Variants in ZDHHC3 observed in about 807,000 individuals in gnomAD.
The protein encoded by ZDHHC3 is palmitoyltransferase ZDHHC3.
A neutral mutation model predicts 30.6 loss-of-function variants in ZDHHC3; 9 were observed. That is an observed-to-expected ratio of 0.29 (90% CI 0.18 to 0.51). The LOEUF (loss-of-function observed/expected upper bound fraction) is 0.51. Ranked by LOEUF, ZDHHC3 falls within the 20% of genes least tolerant of loss-of-function variation. ZDHHC3 has a pLI of 0.97. For synonymous variants in ZDHHC3, 136 were observed against 140.2 expected (o/e 0.97, Z 0.21); for missense variants, 246 against 384.2 (o/e 0.64, Z 3.01).
intron 5 of ZDHHC3, among the ~76,000 whole-genome samples, chr3:44,930,118 T>G (rs1701366885): frequency 1.3e-5 from 2 of 152,222 alleles, no homozygotes. Context: ...ACTTTCACTG[T>G]CCTGGCCTCC....
intron 1 of ZDHHC3, among the ~76,000 whole-genome samples, chr3:44,962,210 A>G (rs1235091116): frequency 6.6e-6 from 1 of 152,206 alleles, no homozygotes; most frequent in African/African-American, 2.4e-5. Flanking sequence ...CTGAAAATAA[A>G]TTTTAGAGCA....
intron 3 of ZDHHC3, among the ~76,000 whole-genome samples, chr3:44,938,758 A>G (rs2125845386): frequency 6.6e-6 from 1 of 152,318 alleles, no homozygotes; most frequent in East Asian, 1.9e-4. Context: ...GCATAGGAGC[A>G]GCTCTGCTGG....
intron 1 of ZDHHC3, among the ~76,000 whole-genome samples, chr3:44,974,791 T>C (rs1464441191): frequency 6.6e-6 from 1 of 152,192 alleles, no homozygotes; most frequent in African/African-American, 2.4e-5. Context: ...GTTTAATGCT[T>C]AAGAATGTGA....
Position 44,917,083 on chromosome 3 carries a change from C to T in ZDHHC3, c.*9606G>A, listed in dbSNP as rs1401316843. 6.6e-6 allele frequency: 1 copy of T among 152,252 alleles called. No homozygotes were observed. The highest frequency in any genetic ancestry group is 2.4e-5 in the African/African-American group (1 of 41,456). 9.4% of individuals were successfully genotyped at this position (152,252 alleles called of 1,614,324 possible). Reference sequence around the variant, plus strand: ...CCCCAGTAGCTCCAAAGAGGTCCTTCCCATATCCACATCTGTGAATGGCTA... The same window carrying T: ...CCCCAGTAGCTCCAAAGAGGTCCTTTCCATATCCACATCTGTGAATGGCTA... On this transcript the variant is annotated 3_prime_UTR_variant, in exon 7 of 7. Coordinates refer to ENST00000424952, the MANE Select transcript of ZDHHC3 (RefSeq NM_001135179.2).
In ZDHHC3 at chr3:44,959,055, A is replaced by C; in HGVS notation, c.306+76T>G. The C allele has an allele frequency of 1.3e-6, 2 of 1,546,416 alleles. No homozygotes were observed. The highest frequency in any genetic ancestry group is 1.8e-6 in the Non-Finnish European group (2 of 1,132,106). ...CTCCAAGTTCCCAAGGTCCAGGGGG[A>C]ACATGCAGGCTGTGGCCATGCCAGA... On this transcript the variant is annotated intron_variant, in intron 2 of 6. Transcript: ENST00000424952. The surrounding 1 kb of genome is among the most constrained non-coding windows in gnomAD (Gnocchi z 4.3).
At chr3:44,940,655 G>A (rs116537659) in intron 3 of ZDHHC3, among the ~76,000 whole-genome samples, 2,553 of 152,230 alleles carry the variant, frequency 0.017, 34 homozygotes, top group Middle Eastern at 0.037. Context: ...TTTCTTTGTC[G>A]TCACTGTAGA....
chr3:44,926,374 C>T lies in ZDHHC3; in HGVS notation c.*315G>A, dbSNP rs1700990027. 9.5e-7 allele frequency: 1 copy of T among 1,057,020 alleles called. No homozygotes were observed. Among genetic ancestry groups the T allele is most frequent in the Non-Finnish European group, 1.1e-6 (1 of 877,132 alleles). 65.5% of individuals were successfully genotyped at this position (1,057,020 alleles called of 1,614,324 possible). ...TGTCTCACTCAGTTAGTAGAATGGG[C>T]ACAGCGCGAGACAGCGCCCTCTACA... On this transcript the variant is annotated 3_prime_UTR_variant, in exon 7 of 7. Transcript: ENST00000424952.
intron 1 of ZDHHC3, among the ~76,000 whole-genome samples, chr3:44,972,572 C>A (rs1036651988): frequency 1.3e-5 from 2 of 152,180 alleles, no homozygotes; most frequent in African/African-American, 2.4e-5. Context: ...GACAGAGTTA[C>A]TCCATCTCTG....
chr3:44,953,178 C>T (rs570730678), intron 2 of ZDHHC3, among the ~76,000 whole-genome samples: 1 of 152,292 alleles, frequency 6.6e-6, no homozygotes, highest in South Asian at 2.1e-4. Context: ...CAAGCATCTT[C>T]CCAAGGTAAC....
Position 44,922,566 on chromosome 3 carries a change from A to G in ZDHHC3, c.*4123T>C. The G allele has an allele frequency of 1.0e-5, 10 of 985,434 alleles. No individual in the cohort carries two copies. The South Asian group carries it at 4.2e-4, about 42-fold the overall frequency. The allele number at this position is 985,434 out of a possible 1,614,324, so 61.0% of individuals were successfully genotyped here. A position where few individuals can be genotyped will look rare whatever the true frequency, so the allele number is the denominator to read the frequency against. On this transcript the variant is annotated 3_prime_UTR_variant, in exon 7 of 7. Transcript: ENST00000424952. The stretch of plus-strand genomic sequence containing the variant: ...GGGAACACGTGCCTGTCTCACAATC[A>G]GCACACCCCAACTGCACTATGCTGA...
At chr3:44,974,160 A>G (rs1205762971) in intron 1 of ZDHHC3, among the ~76,000 whole-genome samples, 1 of 152,252 alleles carries the variant, frequency 6.6e-6, no homozygotes, top group Non-Finnish European at 1.5e-5. Flanking sequence ...TACTGTTTAC[A>G]TCTCTCTTAC....
At chr3:44,933,538 G>A (rs1701682688) in intron 4 of ZDHHC3, 1 of 535,770 alleles carries the variant, frequency 1.9e-6, no homozygotes. Flanking sequence ...TGACTGCTGA[G>A]GGCCCTTCTA....
chr3:44,952,078 C>T (rs546219830), intron 2 of ZDHHC3, among the ~76,000 whole-genome samples: 3 of 152,290 alleles, frequency 2.0e-5, no homozygotes, highest in Non-Finnish European at 4.4e-5. Context: ...ATCTGCAGAT[C>T]TCTCTATTTG....
chr3:44,929,407 C>G lies in ZDHHC3; in HGVS notation c.640G>C (p.Val214Leu), dbSNP rs1701290934. 6.2e-7 allele frequency: 1 copy of G among 1,613,980 alleles called. No individual in the cohort carries two copies. The change falls in exon 6 of 7, where the codon GTG becomes CTG. Residue 214 changes from valine (V) to leucine (L), a missense_variant. Val to Leu is a conservative substitution (Grantham distance 32, BLOSUM62 1). Transcript: ENST00000424952. Reference sequence around the variant, plus strand: ...AAGCACAGCAGGATAAGGAGAATCACTGTGGTGGGTGGAGAGAAGGAGCTG... The same window carrying G: ...AAGCACAGCAGGATAAGGAGAATCAGTGTGGTGGGTGGAGAGAAGGAGCTG... The part of the protein sequence containing the change: ...KCSSFSPPTT[V>L]ILLILLCFEG...
At chr3:44,945,689 C>T (rs1212640647) in intron 2 of ZDHHC3, among the ~76,000 whole-genome samples, 1 of 151,978 alleles carries the variant, frequency 6.6e-6, no homozygotes, top group Non-Finnish European at 1.5e-5. Flanking sequence ...TCCCGAGTAG[C>T]TTGGATTATA....
chr3:44,922,535 C>T lies in ZDHHC3; in HGVS notation c.*4154G>A, dbSNP rs1457159728. The T allele has an allele frequency of 1.2e-5, 12 of 985,252 alleles. 1 individual carries two copies. The highest frequency in any genetic ancestry group is 9.4e-5 in the South Asian group (2 of 21,280). 61.0% of individuals were successfully genotyped at this position (985,252 alleles called of 1,614,324 possible). A position where few individuals can be genotyped will look rare whatever the true frequency, so the allele number is the denominator to read the frequency against. On this transcript the variant is annotated 3_prime_UTR_variant, in exon 7 of 7. Transcript: ENST00000424952. Reference sequence around the variant, plus strand: ...GGGAAGGCAGTCTCAGTGGCTTCTCCGCGGAGGGAACACGTGCCTGTCTCA... The same window carrying T: ...GGGAAGGCAGTCTCAGTGGCTTCTCTGCGGAGGGAACACGTGCCTGTCTCA...
chr3:44,961,588 G>A (rs980135744), intron 1 of ZDHHC3, among the ~76,000 whole-genome samples: 3 of 152,096 alleles, frequency 2.0e-5, no homozygotes, highest in Non-Finnish European at 2.9e-5. Context: ...GTAGAAGATC[G>A]GAGATCAGGA....
At chr3:44,941,634 C>T (rs2125854906) in intron 3 of ZDHHC3, among the ~76,000 whole-genome samples, 1 of 152,082 alleles carries the variant, frequency 6.6e-6, no homozygotes, top group Middle Eastern at 3.4e-3. Flanking sequence ...GAGGTCTCTC[C>T]CTCCTCATGC....
rs1358885371 is a variant in ZDHHC3, at chr3:44,932,461, T to G, written c.610+657A>C. On this transcript the variant is annotated intron_variant, in intron 5 of 6. Coordinates refer to ENST00000424952, the MANE Select transcript of ZDHHC3 (RefSeq NM_001135179.2). The stretch of plus-strand genomic sequence containing the variant: ...ACGTTTGTCTCACAGATTGTGAGTA[T>G]GAAAGAGCCAGCCCAGCAGGTGGCC... Among the ~76,000 whole-genome samples the G allele has an allele frequency of 4.6e-5, 7 of 152,358 alleles. 1 individual carries two copies. In the South Asian group the frequency reaches 1.4e-3, roughly 32 times the overall value.
Sources: allele counts gnomAD v4.1 joint callset (sites outside exome capture counted in the v4.1 genomes callset), GRCh38; gene constraint gnomAD v4.1.1; non-coding constraint Gnocchi (gnomAD v3.1); transcripts MANE v1.5; gene names NCBI Gene and HGNC (gene_info 2026-07-23, HGNC 2026-07-21).